INSL6: variants seen among roughly 807,000 people sequenced by gnomAD.
INSL6 encodes the protein insulin-like peptide INSL6.
Under a neutral mutation model 9.4 loss-of-function variants are expected in INSL6, and 16 were observed. The observed-to-expected ratio is 1.70, with a 90% CI of 1.15 to 2.59. The LOEUF is 2.59. Ranked by LOEUF, INSL6 falls within the 30% of genes most tolerant of loss-of-function variation. The pLI is 0.00. For missense variants in INSL6, 391 were observed against 257.3 expected, an observed-to-expected ratio of 1.52 and a Z score of -3.56; for synonymous variants, 154 against 96.9, an observed-to-expected ratio of 1.59 and a Z score of -3.46.
the INSL6 span, chr9:5,100,838 G>C: frequency 6.6e-6 from 1 of 152,300 alleles, no homozygotes; most frequent in African/African-American, 2.4e-5. Context: ...ACAGCCACAG[G>C]CTTTCATGGA....
At chr9:5,099,155 GC>G in the INSL6 span, 3 of 152,022 alleles carry the variant, frequency 2.0e-5, no homozygotes, top group African/African-American at 7.2e-5. Context: ...CCCTTATTAG[GC>G]CTCAAAACAG....
downstream of INSL6, among the ~76,000 whole-genome samples, chr9:5,123,389 T>C (rs1031991744): frequency 6.6e-6 from 1 of 151,988 alleles, no homozygotes; most frequent in Non-Finnish European, 1.5e-5. Context: ...AGCTCCCGCT[T>C]ATAAGTGAAA....
intron 3 of INSL6, chr9:5,128,248 G>T (rs1824134198): frequency 4.3e-6 from 1 of 230,388 alleles, no homozygotes; most frequent in South Asian, 1.8e-4. Context: ...GGGTTGAAGG[G>T]AAGGAAAAGG....
chr9:5,015,370 A>T, the INSL6 span, among the ~76,000 whole-genome samples: 1 of 152,240 alleles, frequency 6.6e-6, no homozygotes, highest in African/African-American at 2.4e-5. Context: ...ATGAAATTAA[A>T]ATGATTTTCA....
the INSL6 span, among the ~76,000 whole-genome samples, chr9:5,105,834 T>C: frequency 9.2e-5 from 14 of 152,232 alleles, no homozygotes; most frequent in African/African-American, 3.4e-4. Flanking sequence ...ATTTAATAAA[T>C]GGTGCTGGGA....
At chr9:5,106,396 A>G in the INSL6 span, among the ~76,000 whole-genome samples, 1 of 152,208 alleles carries the variant, frequency 6.6e-6, no homozygotes, top group Non-Finnish European at 1.5e-5. Flanking sequence ...GACAGGAAAC[A>G]ACAGATGCTG....
the INSL6 span, among the ~76,000 whole-genome samples, chr9:5,072,214 T>C: frequency 4.5e-3 from 687 of 152,304 alleles, 4 homozygotes; most frequent in African/African-American, 0.016. Context: ...ACACTGACTC[T>C]ATTTTTAAAA....
chr9:4,999,323 C>G, the INSL6 span, among the ~76,000 whole-genome samples: 38 of 152,168 alleles, frequency 2.5e-4, no homozygotes, highest in African/African-American at 8.9e-4. Context: ...ATTAAAATAT[C>G]TTATTTGCAT....
At chr9:5,116,579 CA>C in the INSL6 span, among the ~76,000 whole-genome samples, 2 of 152,132 alleles carry the variant, frequency 1.3e-5, no homozygotes, top group African/African-American at 2.4e-5. Flanking sequence ...AGCTGGCAAT[CA>C]AAAAATATTA....
intron 2 of INSL6, among the ~76,000 whole-genome samples, chr9:5,148,436 G>C (rs1348504162): frequency 1.3e-5 from 2 of 152,122 alleles, no homozygotes; most frequent in Non-Finnish European, 1.5e-5. Context: ...CACCCGGTCG[G>C]CTCATGGACT....
At chr9:5,167,561 C>T (rs1337106195) in intron 1 of INSL6, among the ~76,000 whole-genome samples, 1 of 152,202 alleles carries the variant, frequency 6.6e-6, no homozygotes, top group African/African-American at 2.4e-5. Context: ...AGCAGGGCCT[C>T]CCTGTGGGAA....
the INSL6 span, among the ~76,000 whole-genome samples, chr9:5,014,845 C>T: frequency 6.6e-6 from 1 of 152,090 alleles, no homozygotes; most frequent in Non-Finnish European, 1.5e-5. Context: ...ATGTGTTTCT[C>T]CCTAGCTATT....
At chr9:5,021,914 T>A in the INSL6 span, 1 of 1,111,992 alleles carries the variant, frequency 9.0e-7, no homozygotes, top group Non-Finnish European at 1.3e-6. Context: ...ATTACAGGTG[T>A]GAGACACTGC....
chr9:5,018,530 G>C, the INSL6 span, among the ~76,000 whole-genome samples: 65 of 152,128 alleles, frequency 4.3e-4, no homozygotes, highest in African/African-American at 1.4e-3. Flanking sequence ...GTAGACATGG[G>C]GTTTTGCCAT....
At chr9:5,055,306 T>A in the INSL6 span, among the ~76,000 whole-genome samples, 3 of 152,072 alleles carry the variant, frequency 2.0e-5, no homozygotes. Context: ...AATTTGTTAA[T>A]ATCCGTGTTG....
chr9:5,067,111 TC>T, the INSL6 span, among the ~76,000 whole-genome samples: 104 of 152,190 alleles, frequency 6.8e-4, 2 homozygotes, highest in Admixed American at 2.2e-3. Context: ...AAACTGGAAA[TC>T]TTTGCCACAT....
the INSL6 span, among the ~76,000 whole-genome samples, chr9:5,064,055 C>CT: frequency 6.6e-6 from 1 of 152,028 alleles, no homozygotes; most frequent in Non-Finnish European, 1.5e-5. Flanking sequence ...TTTTGGGAGA[C>CT]TGAGACAGGA....
intron 1 of INSL6, among the ~76,000 whole-genome samples, chr9:5,168,734 C>T (rs1564051909): frequency 6.6e-6 from 1 of 151,940 alleles, no homozygotes; most frequent in Non-Finnish European, 1.5e-5. Context: ...CCAGAGAACC[C>T]CAATAAGATA....
At chr9:5,072,568 T>G in the INSL6 span, 1 of 1,611,462 alleles carries the variant, frequency 6.2e-7, no homozygotes, top group South Asian at 1.1e-5. Flanking sequence ...TACGGTCAAC[T>G]GCATGAAACA....
Sources: gnomAD v4.1 joint callset for allele counts (sites outside exome capture counted in the v4.1 genomes callset) on GRCh38, gnomAD v4.1.1 for gene constraint, MANE v1.5 for transcripts, NCBI Gene and HGNC (gene_info 2026-07-23, HGNC 2026-07-21) for gene names.